The following ARL15 variants were observed in gnomAD, a reference collection of about 807,000 sequenced individuals.
ARL15 encodes ADP-ribosylation factor-like protein 15.
ARL15 carries 19 observed loss-of-function variants against 25.2 expected under a neutral mutation model. The observed-to-expected ratio is 0.75, with a 90% CI of 0.53 to 1.10. ARL15 has a LOEUF of 1.10. ARL15 is among the 50% of genes least tolerant of loss of function. The pLI is 0.00. For missense variants in ARL15, 220 were observed against 246.0 expected (o/e 0.89, Z 0.71); for synonymous variants, 94 against 86.8 (o/e 1.08, Z -0.46).
intron 1 of ARL15, among the ~76,000 whole-genome samples, chr5:54,276,211 G>T (rs1368297729): frequency 6.6e-6 from 1 of 152,100 alleles, no homozygotes; most frequent in African/African-American, 2.4e-5. Flanking sequence ...GTCTCACTTT[G>T]TTTTAGAGTT....
At chr5:53,909,896 A>G (rs1282939062) in intron 4 of ARL15, among the ~76,000 whole-genome samples, 1 of 152,210 alleles carries the variant, frequency 6.6e-6, no homozygotes, top group Non-Finnish European at 1.5e-5. Flanking sequence ...GACAATATAA[A>G]CATTCTCCTC....
At position 54,090,879 on chromosome 5, in the gene ARL15, G is replaced by A. The variant is rs187427082; in HGVS notation, c.462+22323C>T. 1.4e-3 allele frequency among the ~76,000 whole-genome samples: 209 copies of A among 152,156 alleles called. 1 individual carries two copies. The highest frequency in any genetic ancestry group is 1.3e-3 in the Non-Finnish European group (91 of 67,988). On this transcript the variant is annotated intron_variant, in intron 4 of 4. Coordinates refer to ENST00000504924, the MANE Select transcript of ARL15 (RefSeq NM_019087.3). ...ACAAGGGGCTATAACAAGACATCACGCTTAGGGCTGAGATTAGACTCCTTT... is the reference window on the plus strand; with the variant it reads ...ACAAGGGGCTATAACAAGACATCACACTTAGGGCTGAGATTAGACTCCTTT...
chr5:54,196,494 T>C (rs1755553332), intron 1 of ARL15, among the ~76,000 whole-genome samples: 1 of 152,146 alleles, frequency 6.6e-6, no homozygotes. Flanking sequence ...AATATACAGT[T>C]GTGGTCAGGA....
chr5:54,226,450 C>T (rs1042185045), intron 1 of ARL15, among the ~76,000 whole-genome samples: 32 of 152,052 alleles, frequency 2.1e-4, no homozygotes, highest in Admixed American at 1.7e-3. Context: ...TTCCTGGAAT[C>T]GAGAGGCCAG....
chr5:54,215,821 T>C (rs982056794), intron 1 of ARL15, among the ~76,000 whole-genome samples: 4 of 152,110 alleles, frequency 2.6e-5, no homozygotes, highest in Non-Finnish European at 1.5e-5. Context: ...AGTGGATTCA[T>C]GACAAGAAAT....
chr5:53,941,224 A>C (rs545144502), intron 4 of ARL15, among the ~76,000 whole-genome samples: 1 of 152,264 alleles, frequency 6.6e-6, no homozygotes, highest in East Asian at 1.9e-4. Flanking sequence ...GAAATCCAAC[A>C]TTATACATCA....
At chr5:53,912,242 G>C (rs1276403465) in intron 4 of ARL15, 1 of 152,114 alleles carries the variant, frequency 6.6e-6, no homozygotes, top group Non-Finnish European at 1.5e-5. Flanking sequence ...AGCTTAGACA[G>C]GTTAAAGAAT....
At chr5:54,072,130 G>A (rs1751446706) in intron 4 of ARL15, among the ~76,000 whole-genome samples, 1 of 151,962 alleles carries the variant, frequency 6.6e-6, no homozygotes, top group South Asian at 2.1e-4. Context: ...GCCAATTTTT[G>A]TTTTACTATA....
chr5:54,179,958 C>T (rs1317626014), intron 1 of ARL15, among the ~76,000 whole-genome samples: 1 of 145,736 alleles, frequency 6.9e-6, no homozygotes, highest in Non-Finnish European at 1.5e-5. Context: ...ACTGAGGTTG[C>T]AGTGAGCTGA....
At chr5:54,194,685 G>C (rs1224739256) in intron 1 of ARL15, among the ~76,000 whole-genome samples, 2 of 152,308 alleles carry the variant, frequency 1.3e-5, no homozygotes, top group Middle Eastern at 3.4e-3. Context: ...AACGTGAGGA[G>C]AGGAGGGAGG....
At chr5:53,988,258 C>T (rs1348997712) in intron 4 of ARL15, among the ~76,000 whole-genome samples, 1 of 151,220 alleles carries the variant, frequency 6.6e-6, no homozygotes, top group Non-Finnish European at 1.5e-5. Flanking sequence ...CATGATTGTG[C>T]CACTGCACTC....
chr5:53,910,638 TATATATA>T, intron 4 of ARL15, among the ~76,000 whole-genome samples: 1 of 33,490 alleles, frequency 3.0e-5, no homozygotes, highest in Non-Finnish European at 9.6e-5. Context: ...AAAAATTATA[TATATATA>T]TATATATATA....
chr5:54,222,721 C>T (rs147098755), intron 1 of ARL15, among the ~76,000 whole-genome samples: 1,783 of 152,252 alleles, frequency 0.012, 17 homozygotes, highest in South Asian at 0.023. Context: ...AAACTGTTCA[C>T]CCACCCAGTT....
intron 1 of ARL15, among the ~76,000 whole-genome samples, chr5:54,178,734 A>G (rs1754962436): frequency 6.6e-6 from 1 of 152,272 alleles, no homozygotes. Flanking sequence ...GCGTTGCTCA[A>G]TGAGTAAAAC....
At position 54,114,406 on chromosome 5, in the gene ARL15, G is replaced by GAAAAAAAAAAAGA. The variant is rs1554041177; in HGVS notation, c.254-997_254-996insTCTTTTTTTTTTT. Among the ~76,000 whole-genome samples the GAAAAAAAAAAAGA allele has an allele frequency of 4.0e-5, 3 of 74,474 alleles. 1 individual carries two copies. Among genetic ancestry groups the GAAAAAAAAAAAGA allele is most frequent in the Non-Finnish European group, 6.8e-5 (3 of 44,058 alleles). 48.9% of individuals were successfully genotyped at this position (74,474 alleles called of 152,430 possible). ...GCAACACAGCAAGGCTCCATCTCAA[G>GAAAAAAAAAAAGA]AAAAAAAAAAAAAAAAGCAACACCA... On this transcript the variant is annotated intron_variant, in intron 3 of 4. Coordinates refer to ENST00000504924, the MANE Select transcript of ARL15 (RefSeq NM_019087.3).
At chr5:54,200,411 G>A (rs1024221351) in intron 1 of ARL15, among the ~76,000 whole-genome samples, 1 of 151,678 alleles carries the variant, frequency 6.6e-6, no homozygotes, top group Admixed American at 6.6e-5. Flanking sequence ...GTCCTCATCG[G>A]AGGCACTGCA....
chr5:54,112,584 T>C (rs1308201696), intron 4 of ARL15, among the ~76,000 whole-genome samples: 1 of 152,232 alleles, frequency 6.6e-6, no homozygotes, highest in Admixed American at 6.5e-5. Context: ...TGCAGTACCA[T>C]GAATCACAAG....
At position 54,184,418 on chromosome 5, in the gene ARL15, A is replaced by T. The variant is rs543254649; in HGVS notation, c.49-12490T>A. ...TGACTGTGCCACTGCACTCCAGCCT[A>T]GGCAACAGTAACACTGTCTTTAAAA... On this transcript the variant is annotated intron_variant, in intron 1 of 4. Transcript: ENST00000504924. Among the ~76,000 whole-genome samples, 4 of 139,246 alleles carry T rather than the reference A, an allele frequency of 2.9e-5. No individual in the cohort carries two copies. The South Asian group carries it at 9.8e-4, about 34-fold the overall frequency. The allele number at this position is 139,246 out of a possible 152,430, so 91.4% of individuals were successfully genotyped here. A position where few individuals can be genotyped will look rare whatever the true frequency, so the allele number is the denominator to read the frequency against.
intron 1 of ARL15, among the ~76,000 whole-genome samples, chr5:54,198,421 T>G (rs1184507257): frequency 6.6e-6 from 1 of 151,844 alleles, no homozygotes; most frequent in Admixed American, 6.6e-5. Flanking sequence ...CAAAATCTCC[T>G]TAAGCTGATA....
Sources: allele counts gnomAD v4.1 joint callset (sites outside exome capture counted in the v4.1 genomes callset), GRCh38; gene constraint gnomAD v4.1.1; transcripts MANE v1.5; gene names NCBI Gene and HGNC (gene_info 2026-07-23, HGNC 2026-07-21).